The following CCDC3 variants were observed in gnomAD, a reference collection of about 807,000 sequenced individuals.
CCDC3 encodes the protein coiled-coil domain containing 3, also known as coiled-coil domain-containing protein 3.
In CCDC3, 24 loss-of-function variants were observed where a neutral mutation model predicts 21.4. The observed-to-expected ratio is 1.12, with a 90% CI of 0.81 to 1.58. CCDC3 has a LOEUF of 1.58. Ranked by LOEUF, CCDC3 falls within the 40% of genes most tolerant of loss-of-function variation. The probability of loss-of-function intolerance (pLI) is 0.00; values close to 1 mark genes in which losing one functional copy is unlikely to be tolerated. For synonymous variants in CCDC3, 186 were observed against 166.0 expected (o/e 1.12, Z -0.93); for missense variants, 425 against 360.9 (o/e 1.18, Z -1.44).
chr10:12,965,519 C>T (rs183967840), intron 2 of CCDC3, among the ~76,000 whole-genome samples: 16 of 152,222 alleles, frequency 1.1e-4, no homozygotes, highest in African/African-American at 3.9e-4. Flanking sequence ...TTCCTACTCC[C>T]GATGATTGTT....
At chr10:13,073,678 G>C (rs185126536) in intron 4 of CCDC3, among the ~76,000 whole-genome samples, 6 of 151,914 alleles carry the variant, frequency 3.9e-5, no homozygotes, top group African/African-American at 1.2e-4. Flanking sequence ...GTAGAGACAG[G>C]GTTTCTCAAT....
chr10:12,988,399 T>A (rs1326547901), intron 2 of CCDC3, among the ~76,000 whole-genome samples: 9 of 152,028 alleles, frequency 5.9e-5, no homozygotes, highest in Non-Finnish European at 1.3e-4. Flanking sequence ...CAGGCTGGAG[T>A]ACAGTAGTGC....
intron 3 of CCDC3, among the ~76,000 whole-genome samples, chr10:13,091,497 G>A (rs1330899002): frequency 6.6e-6 from 1 of 152,152 alleles, no homozygotes; most frequent in Non-Finnish European, 1.5e-5. Context: ...CCAGCCTCCA[G>A]AACTGTGAGA....
chr10:12,931,364 C>A (rs2131227629), intron 2 of CCDC3, among the ~76,000 whole-genome samples: 1 of 152,238 alleles, frequency 6.6e-6, no homozygotes, highest in South Asian at 2.1e-4. Flanking sequence ...GAATGGGATT[C>A]AACCTTCTTC....
chr10:12,932,691 A>G (rs1834666475), intron 2 of CCDC3, among the ~76,000 whole-genome samples: 1 of 152,152 alleles, frequency 6.6e-6, no homozygotes, highest in Non-Finnish European at 1.5e-5. Context: ...AGAACTTCCA[A>G]TATGATGTTG....
intron 5 of CCDC3, among the ~76,000 whole-genome samples, chr10:13,045,913 A>G (rs1836519534): frequency 6.6e-6 from 1 of 151,656 alleles, no homozygotes; most frequent in Non-Finnish European, 1.5e-5. Context: ...AGTTGGTGAA[A>G]CCCCATCTCT....
intron 2 of CCDC3, among the ~76,000 whole-genome samples, chr10:12,989,485 G>A (rs532606155): frequency 2.0e-5 from 3 of 152,286 alleles, no homozygotes; most frequent in Non-Finnish European, 2.9e-5. Flanking sequence ...GTAATGGCAC[G>A]ATCTCAGCTC....
intron 5 of CCDC3, among the ~76,000 whole-genome samples, chr10:13,022,407 A>G (rs652029): frequency 0.81 from 123,434 of 152,046 alleles, 50,793 homozygotes; most frequent in Non-Finnish European, 0.87. Context: ...CAGGAAGTCC[A>G]TCTTAGATCA....
intron 2 of CCDC3, among the ~76,000 whole-genome samples, chr10:12,953,497 A>G (rs1835039873): frequency 6.6e-6 from 1 of 152,264 alleles, no homozygotes; most frequent in Non-Finnish European, 1.5e-5. Context: ...TACGATTAGA[A>G]GCAAAAGGAA....
intron 4 of CCDC3, among the ~76,000 whole-genome samples, chr10:13,062,082 T>C (rs1268844675): frequency 2.0e-5 from 3 of 151,814 alleles, no homozygotes; most frequent in Non-Finnish European, 4.4e-5. Flanking sequence ...TATGCCAGAT[T>C]CAGAAAGGAA....
At chr10:12,909,285 T>G (rs1311158882) in intron 2 of CCDC3, among the ~76,000 whole-genome samples, 1 of 152,184 alleles carries the variant, frequency 6.6e-6, no homozygotes, top group Non-Finnish European at 1.5e-5. Context: ...CCACTGACCA[T>G]CGGCCCTCAG....
At chr10:12,930,256 ATTTCT>A (rs1834618347) in intron 2 of CCDC3, among the ~76,000 whole-genome samples, 1 of 151,334 alleles carries the variant, frequency 6.6e-6, no homozygotes, top group Non-Finnish European at 1.5e-5. Context: ...ATATTTTTAC[ATTTCT>A]TTTCTATTTG....
At chr10:12,912,442 TC>T (rs1484924821) in intron 2 of CCDC3, among the ~76,000 whole-genome samples, 2 of 152,224 alleles carry the variant, frequency 1.3e-5, no homozygotes, top group African/African-American at 2.4e-5. Context: ...TCTATTTAGG[TC>T]CTTTGCCCAT....
intron 3 of CCDC3, among the ~76,000 whole-genome samples, chr10:13,089,402 C>T (rs1837152329): frequency 2.0e-5 from 3 of 152,096 alleles, no homozygotes; most frequent in Non-Finnish European, 4.4e-5. Context: ...TTTGAAGTTG[C>T]TGGGACTATT....
chr10:12,914,687 A>G (rs1378457296), intron 2 of CCDC3, among the ~76,000 whole-genome samples: 1 of 152,004 alleles, frequency 6.6e-6, no homozygotes, highest in Non-Finnish European at 1.5e-5. Flanking sequence ...CAAGTGATCC[A>G]CCCAGTTAGC....
At chr10:12,940,277 T>G (rs1834807434) in intron 2 of CCDC3, among the ~76,000 whole-genome samples, 1 of 149,984 alleles carries the variant, frequency 6.7e-6, no homozygotes, top group Non-Finnish European at 1.5e-5. Flanking sequence ...GTTTACTGTT[T>G]TTCCTGGGAA....
chr10:12,907,196 A>G (rs1480861211), intron 2 of CCDC3, among the ~76,000 whole-genome samples: 1 of 152,190 alleles, frequency 6.6e-6, no homozygotes, highest in Non-Finnish European at 1.5e-5. Context: ...AGCATGCAGT[A>G]AGCACTTAAT....
At chr10:12,972,904 G>A (rs964109496) in intron 2 of CCDC3, among the ~76,000 whole-genome samples, 1 of 152,234 alleles carries the variant, frequency 6.6e-6, no homozygotes, top group African/African-American at 2.4e-5. Flanking sequence ...TGATGTAGTA[G>A]AAAGAACTCC....
intron 5 of CCDC3, among the ~76,000 whole-genome samples, chr10:13,039,585 G>A (rs1275374582): frequency 6.6e-6 from 1 of 152,142 alleles, no homozygotes; most frequent in African/African-American, 2.4e-5. Context: ...CACAGATACT[G>A]GTCACAAATA....
Sources: gnomAD v4.1 joint callset for allele counts (sites outside exome capture counted in the v4.1 genomes callset) on GRCh38, gnomAD v4.1.1 for gene constraint, MANE v1.5 for transcripts, NCBI Gene and HGNC (gene_info 2026-07-23, HGNC 2026-07-21) for gene names.